The following PACSIN2 variants were observed in gnomAD, a reference collection of about 807,000 sequenced individuals.
PACSIN2 encodes protein kinase C and casein kinase substrate in neurons protein 2.
A neutral mutation model predicts 63.8 loss-of-function variants in PACSIN2; 25 were observed. The ratio of observed to expected loss-of-function variants is 0.39; its 90% confidence interval spans 0.29 to 0.55. The LOEUF is 0.55. PACSIN2 is among the 20% of genes least tolerant of loss of function. The probability of loss-of-function intolerance (pLI) is 0.62; values close to 1 mark genes in which losing one functional copy is unlikely to be tolerated. For missense variants in PACSIN2, 518 were observed against 646.9 expected (o/e 0.80, Z 2.16); for synonymous variants, 255 against 256.2 (o/e 1.00, Z 0.05).
intron 9 of PACSIN2, among the ~76,000 whole-genome samples, chr22:42,876,534 G>C (rs1237137518): frequency 6.6e-6 from 1 of 151,992 alleles, no homozygotes; most frequent in East Asian, 1.9e-4. Context: ...TCCAGGGGCA[G>C]GCGGCTGGAG....
chr22:42,874,458 G>A (rs542173126), intron 10 of PACSIN2, among the ~76,000 whole-genome samples: 32 of 152,294 alleles, frequency 2.1e-4, no homozygotes, highest in African/African-American at 7.5e-4. Flanking sequence ...TCTGCTCCTA[G>A]CAACACAGAT....
intron 9 of PACSIN2, 138 bp downstream of exon 9, chr22:42,876,750 G>C (rs1297598503): frequency 2.8e-6 from 3 of 1,061,284 alleles, no homozygotes; most frequent in Non-Finnish European, 4.2e-6. Flanking sequence ...AGTGGGCCAG[G>C]GTGCGGCACG....
At chr22:42,877,970 C>G (rs1288218405) in intron 8 of PACSIN2, among the ~76,000 whole-genome samples, 2 of 152,236 alleles carry the variant, frequency 1.3e-5, no homozygotes, top group Non-Finnish European at 2.9e-5. Context: ...TCCTGAGTGG[C>G]CAGTAACTGC....
intron 2 of PACSIN2, among the ~76,000 whole-genome samples, chr22:42,906,593 C>T (rs1024618673): frequency 1.3e-5 from 2 of 152,144 alleles, no homozygotes; most frequent in Non-Finnish European, 2.9e-5. Flanking sequence ...GGTCACCCAC[C>T]AAAGAAGGGC....
chr22:42,957,909 G>C (rs9623725), intron 1 of PACSIN2, among the ~76,000 whole-genome samples: 9,164 of 152,112 alleles, frequency 0.06, 910 homozygotes, highest in African/African-American at 0.21. Context: ...TCTCTCCCCT[G>C]AGCTAGGGGA....
At chr22:42,889,421 T>C (rs1929744615) in intron 4 of PACSIN2, among the ~76,000 whole-genome samples, 1 of 121,926 alleles carries the variant, frequency 8.2e-6, no homozygotes, top group Admixed American at 9.5e-5. Context: ...CCTTCCTTAT[T>C]TGAGCCAAAG....
chr22:42,964,100 C>A (rs186169723), intron 1 of PACSIN2, among the ~76,000 whole-genome samples: 1 of 152,312 alleles, frequency 6.6e-6, no homozygotes, highest in Non-Finnish European at 1.5e-5. Context: ...CTTTCCCCAG[C>A]CCGCGGCAGT....
intron 1 of PACSIN2, among the ~76,000 whole-genome samples, chr22:42,956,782 T>A (rs112851908): frequency 0.013 from 2,046 of 152,210 alleles, 29 homozygotes; most frequent in Middle Eastern, 0.078. Flanking sequence ...CCTTCTCAGT[T>A]TGGAGCAATG....
At chr22:42,999,208 C>G (rs1393502168) in intron 1 of PACSIN2, among the ~76,000 whole-genome samples, 2 of 152,214 alleles carry the variant, frequency 1.3e-5, no homozygotes, top group Non-Finnish European at 2.9e-5. Context: ...GTGCTCGCCT[C>G]GGCCCCTGTA....
In PACSIN2 at chr22:42,876,755, G is replaced by A. The variant is rs575125926; in HGVS notation, c.1151+133C>T. 4.7e-4 allele frequency: 545 copies of A among 1,162,040 alleles called. No individual in the cohort carries two copies. In the African/African-American group the frequency reaches 7.4e-3, roughly 16 times the overall value. The allele number at this position is 1,162,040 out of a possible 1,614,324, so 72.0% of individuals were successfully genotyped here. ...GAGAGCAGGTAGTGGGCCAGGGTGC[G>A]GCACGCCAGGTGCCCACTTCCTGCA... On this transcript the variant is annotated intron_variant, in intron 9 of 10. Transcript: ENST00000263246.
rs770097063 is a variant in PACSIN2, at chr22:42,876,109, C to T, written c.1348+28G>A. 4 of 1,594,246 alleles carry T rather than the reference C, an allele frequency of 2.5e-6. No individual in the cohort carries two copies. In the Admixed American group the frequency reaches 5.0e-5, roughly 20 times the overall value. On this transcript the variant is annotated intron_variant, in intron 10 of 10. Transcript: ENST00000263246. The stretch of plus-strand genomic sequence containing the variant: ...CAGCCTGCAGGTTGGAAGCCCTCCT[C>T]CCCTGGATGCTGGGGGAGCCCACCT...
chr22:42,920,721 G>A (rs940340287), intron 1 of PACSIN2, among the ~76,000 whole-genome samples: 6 of 151,546 alleles, frequency 4.0e-5, no homozygotes, highest in South Asian at 2.1e-4. Flanking sequence ...GGGTAGGAAC[G>A]CCAAGCTCAG....
At chr22:42,952,200 C>T (rs893880362) in intron 1 of PACSIN2, among the ~76,000 whole-genome samples, 5 of 152,158 alleles carry the variant, frequency 3.3e-5, no homozygotes, top group East Asian at 1.9e-4. Context: ...ACGTAACAGG[C>T]ACATAATAAA....
chr22:43,003,539 C>T (rs1923901748), intron 1 of PACSIN2, among the ~76,000 whole-genome samples: 1 of 152,126 alleles, frequency 6.6e-6, no homozygotes, highest in African/African-American at 2.4e-5. Flanking sequence ...GGAGGCGGAG[C>T]TTGCAGTGAG....
chr22:42,908,783 C>G (rs911974131), intron 2 of PACSIN2, among the ~76,000 whole-genome samples: 4 of 152,174 alleles, frequency 2.6e-5, no homozygotes, highest in Admixed American at 2.0e-4. Flanking sequence ...TGGTTCCAAC[C>G]TGGAATGCCA....
chr22:42,909,551 C>T (rs940720216), intron 2 of PACSIN2: 4 of 471,024 alleles, frequency 8.5e-6, no homozygotes, highest in East Asian at 6.9e-5. Flanking sequence ...CACAGCACTG[C>T]GGAGTTGATA....
intron 1 of PACSIN2, among the ~76,000 whole-genome samples, chr22:42,987,477 CACACACACACACACACCCAT>C (rs1469822397): frequency 1.0e-3 from 123 of 120,950 alleles, no homozygotes; most frequent in African/African-American, 2.4e-3. Flanking sequence ...CACACACACA[CACACACACACACACACCCAT>C]GGCACCATGT....
chr22:42,932,441 G>C (rs916506817), intron 1 of PACSIN2, among the ~76,000 whole-genome samples: 1 of 152,168 alleles, frequency 6.6e-6, no homozygotes, highest in African/African-American at 2.4e-5. Flanking sequence ...TCTAGACAGT[G>C]AATTCCAGAA....
At chr22:42,916,334 C>T (rs1464878287) in intron 1 of PACSIN2, among the ~76,000 whole-genome samples, 1 of 144,666 alleles carries the variant, frequency 6.9e-6, no homozygotes, top group African/African-American at 2.6e-5. Flanking sequence ...AAAGAAAACC[C>T]AACTGATTGT....
Sources: allele counts gnomAD v4.1 joint callset (sites outside exome capture counted in the v4.1 genomes callset), GRCh38; gene constraint gnomAD v4.1.1; transcripts MANE v1.5; gene names NCBI Gene and HGNC (gene_info 2026-07-23, HGNC 2026-07-21).